The following STAC variants were observed in gnomAD, a reference collection of about 807,000 sequenced individuals.
The protein encoded by STAC is SH3 and cysteine rich domain.
In STAC, 43 loss-of-function variants were observed where a neutral mutation model predicts 48.8. The observed-to-expected ratio is 0.88, with a 90% CI of 0.69 to 1.14. STAC has a LOEUF of 1.14. Among genes scored for constraint, STAC ranks in the 50% most tolerant of loss-of-function variants. The pLI, the probability that STAC is intolerant of heterozygous loss-of-function variation, is 0.00. For synonymous variants in STAC, 193 were observed against 179.5 expected (o/e 1.07, Z -0.60); for missense variants, 497 against 504.0 (o/e 0.99, Z 0.13).
intron 1 of STAC, among the ~76,000 whole-genome samples, chr3:36,433,137 C>G (rs1186147730): frequency 6.6e-6 from 1 of 152,100 alleles, no homozygotes; most frequent in Non-Finnish European, 1.5e-5. Context: ...GCAAGGAGGA[C>G]CAGGCTAGAC....
At chr3:36,491,545 T>G (rs553515792) in intron 5 of STAC, among the ~76,000 whole-genome samples, 1 of 152,204 alleles carries the variant, frequency 6.6e-6, no homozygotes, top group East Asian at 1.9e-4. Flanking sequence ...GTGACTTTTT[T>G]TTCTTCTTTC....
chr3:36,395,519 T>C (rs1011262571), intron 1 of STAC, among the ~76,000 whole-genome samples: 3 of 152,194 alleles, frequency 2.0e-5, no homozygotes, highest in East Asian at 1.9e-4. Flanking sequence ...AGGTCCCTTA[T>C]CTGGCTAGAG....
intron 1 of STAC, among the ~76,000 whole-genome samples, chr3:36,428,419 C>T (rs1374065920): frequency 1.3e-5 from 2 of 152,022 alleles, no homozygotes; most frequent in Non-Finnish European, 2.9e-5. Flanking sequence ...ACAAATAGTC[C>T]AAAATATTAA....
intron 1 of STAC, among the ~76,000 whole-genome samples, chr3:36,395,350 GGTGA>G (rs1158773639): frequency 1.3e-5 from 2 of 152,164 alleles, no homozygotes; most frequent in African/African-American, 4.8e-5. Context: ...AAGCCAGGGA[GGTGA>G]GTAGTCCAGT....
intron 10 of STAC, among the ~76,000 whole-genome samples, chr3:36,534,339 C>T (rs952091643): frequency 1.3e-5 from 2 of 152,082 alleles, no homozygotes; most frequent in African/African-American, 2.4e-5. Flanking sequence ...TCCTGGCTAC[C>T]GTTATCACTA....
chr3:36,452,599 T>C (rs1489097316), intron 2 of STAC, among the ~76,000 whole-genome samples: 1 of 152,158 alleles, frequency 6.6e-6, no homozygotes, highest in East Asian at 1.9e-4. Flanking sequence ...TCATTAGAAA[T>C]ATGGTTATGA....
At chr3:36,450,696 T>G (rs949015201) in intron 2 of STAC, among the ~76,000 whole-genome samples, 1 of 152,074 alleles carries the variant, frequency 6.6e-6, no homozygotes, top group Non-Finnish European at 1.5e-5. Flanking sequence ...TGGCTAACTT[T>G]TATATTTTTA....
At chr3:36,449,738 G>A (rs548757357) in intron 2 of STAC, among the ~76,000 whole-genome samples, 3 of 152,156 alleles carry the variant, frequency 2.0e-5, no homozygotes, top group Admixed American at 1.3e-4. Context: ...CAAGGAGGAC[G>A]TATCCTAGAG....
intron 2 of STAC, among the ~76,000 whole-genome samples, chr3:36,458,570 G>A (rs944874253): frequency 6.6e-5 from 10 of 152,134 alleles, no homozygotes; most frequent in African/African-American, 2.4e-4. Flanking sequence ...TTTAATTCCA[G>A]CTCTGCGTGA....
intron 1 of STAC, among the ~76,000 whole-genome samples, chr3:36,433,297 G>T (rs1360971995): frequency 6.6e-6 from 1 of 152,116 alleles, no homozygotes; most frequent in Non-Finnish European, 1.5e-5. Flanking sequence ...AGGTGCATGG[G>T]GTGCAGGAGG....
intron 5 of STAC, 29 bp from the exon 6 acceptor site, chr3:36,493,122 A>T (rs1286205966): frequency 1.2e-6 from 2 of 1,602,354 alleles, no homozygotes; most frequent in Non-Finnish European, 1.7e-6. Flanking sequence ...AACATTGTTC[A>T]TCCCATGCTC....
intron 1 of STAC, among the ~76,000 whole-genome samples, chr3:36,423,309 G>A (rs1229533253): frequency 3.3e-5 from 5 of 151,634 alleles, no homozygotes; most frequent in African/African-American, 9.7e-5. Context: ...ACCACATACC[G>A]AGGAAGAAAA....
chr3:36,488,966 GA>G lies in STAC; in HGVS notation c.687+2719del, dbSNP rs1205034054. ...TTACCCTAAAAACCCACTTTCCCCT[GA>G]ACTCCCCAAGCCCTATAACATATCC... is the stretch of plus-strand genomic sequence containing the variant. On this transcript the variant is annotated intron_variant, in intron 5 of 10. Transcript: ENST00000273183. Among the ~76,000 whole-genome samples the G allele has an allele frequency of 3.3e-5, 5 of 152,108 alleles. No homozygotes were observed. The East Asian group carries it at 9.7e-4, about 29-fold the overall frequency.
intron 2 of STAC, among the ~76,000 whole-genome samples, chr3:36,447,387 G>A (rs1260496263): frequency 6.6e-6 from 1 of 152,150 alleles, no homozygotes; most frequent in East Asian, 1.9e-4. Context: ...ACAAGATGAA[G>A]TATAAAACAC....
chr3:36,519,168 A>G (rs1266245484), intron 8 of STAC, among the ~76,000 whole-genome samples: 1 of 152,134 alleles, frequency 6.6e-6, no homozygotes, highest in Admixed American at 6.5e-5. Flanking sequence ...GTGCCAAATC[A>G]GGGGCAAAGG....
At chr3:36,540,270 C>T (rs1436695098) in intron 10 of STAC, among the ~76,000 whole-genome samples, 2 of 152,100 alleles carry the variant, frequency 1.3e-5, no homozygotes, top group Non-Finnish European at 1.5e-5. Context: ...CTTCTGAACC[C>T]TAGAACTGTA....
intron 2 of STAC, among the ~76,000 whole-genome samples, chr3:36,479,945 T>C (rs1038451278): frequency 2.6e-5 from 4 of 152,202 alleles, no homozygotes; most frequent in African/African-American, 9.6e-5. Flanking sequence ...CTTCAATCAT[T>C]CTTGTTATTC....
intron 1 of STAC, among the ~76,000 whole-genome samples, chr3:36,398,474 A>AGGAG (rs1452063430): frequency 5.3e-5 from 4 of 75,104 alleles, no homozygotes; most frequent in Admixed American, 3.0e-4. Context: ...GAAGGAAGGA[A>AGGAG]GGAGGGAAGG....
chr3:36,473,903 AC>A (rs1269473025), intron 2 of STAC, among the ~76,000 whole-genome samples: 1 of 152,240 alleles, frequency 6.6e-6, no homozygotes, highest in African/African-American at 2.4e-5. Flanking sequence ...ATTTTAAAAA[AC>A]AAAAATAAGC....
Sources: gnomAD v4.1 joint callset for allele counts (sites outside exome capture counted in the v4.1 genomes callset) on GRCh38, gnomAD v4.1.1 for gene constraint, MANE v1.5 for transcripts, NCBI Gene and HGNC (gene_info 2026-07-23, HGNC 2026-07-21) for gene names.